The following ATF6B variants were observed in gnomAD, a reference collection of about 807,000 sequenced individuals.
The protein encoded by ATF6B is cyclic AMP-dependent transcription factor ATF-6 beta.
In ATF6B, 50 loss-of-function variants were observed where a neutral mutation model predicts 83.5. The ratio of observed to expected loss-of-function variants is 0.60; its 90% CI spans 0.48 to 0.76. ATF6B has a LOEUF of 0.76. Ranked by LOEUF, ATF6B falls within the 30% of genes least tolerant of loss-of-function variation. The pLI is 0.00. For synonymous variants in ATF6B, 344 were observed against 362.8 expected, an observed-to-expected ratio of 0.95 and a Z score of 0.59; for missense variants, 790 against 893.8, an observed-to-expected ratio of 0.88 and a Z score of 1.48.
rs1781700200 is a variant in ATF6B, at chr6:32,120,191, G to A, written c.833-234C>T. 1.8e-5 allele frequency: 6 copies of A among 331,186 alleles called. No homozygotes were observed. In the Admixed American group the frequency reaches 2.9e-4, roughly 16 times the overall value. 20.5% of individuals were successfully genotyped at this position (331,186 alleles called of 1,614,324 possible). ...CGGCTCACTGCAAGCTCCGCCTCCC[G>A]GGTTCACGCCATTCTCCTGCCTCAG... On this transcript the variant is annotated intron_variant, in intron 8 of 17. Coordinates refer to ENST00000375203, the MANE Select transcript of ATF6B (RefSeq NM_004381.5).
Position 32,127,655 on chromosome 6 carries a change from G to A in ATF6B, c.171+16C>T, listed in dbSNP as rs1399057103. 1.9e-6 allele frequency: 3 copies of A among 1,614,128 alleles called. No individual in the cohort carries two copies. Among genetic ancestry groups the A allele is most frequent in the African/African-American group, 2.7e-5 (2 of 75,036 alleles). On this transcript the variant is annotated intron_variant, in intron 2 of 17. Coordinates refer to ENST00000375203, the MANE Select transcript of ATF6B (RefSeq NM_004381.5). ...TCCACCCACCAAGGGTTAGAGAAAG[G>A]CTGGGGACACAATACCGGGACATCC... is the stretch of plus-strand genomic sequence containing the variant.
At chr6:32,127,548 G>A (rs2127349404) in intron 2 of ATF6B, 28 bp from the exon 3 acceptor site, 2 of 1,611,182 alleles carry the variant, frequency 1.2e-6, no homozygotes, top group Non-Finnish European at 1.7e-6. Flanking sequence ...CAAGAGGGCA[G>A]GAGTGTGAGA....
In ATF6B at chr6:32,115,684, A is replaced by T; in HGVS notation, c.*55T>A. ...GATCAGGGAAATTTGAAACAGTCCC[A>T]CCTGGCCACCTGGTACCCCCTCCCC... On this transcript the variant is annotated 3_prime_UTR_variant, in exon 18 of 18. Coordinates refer to ENST00000375203, the MANE Select transcript of ATF6B (RefSeq NM_004381.5). The T allele has an allele frequency of 6.8e-7, 1 of 1,463,532 alleles. No individual in the cohort carries two copies. The highest frequency in any genetic ancestry group is 9.3e-7 in the Non-Finnish European group (1 of 1,077,320). The allele number at this position is 1,463,532 out of a possible 1,614,324, so 90.7% of individuals were successfully genotyped here. A position where few individuals can be genotyped will look rare whatever the true frequency, so the allele number is the denominator to read the frequency against.
In ATF6B at chr6:32,116,624, G is replaced by A; in HGVS notation, c.1798-60C>T. 6.2e-7 allele frequency: 1 copy of A among 1,603,006 alleles called. No individual in the cohort carries two copies. The highest frequency in any genetic ancestry group is 1.1e-5 in the South Asian group (1 of 90,538). The stretch of plus-strand genomic sequence containing the variant: ...GGCAAAGATGCCAACAAGCTCCCCA[G>A]CCCTACTCTACATCCCCCCACTGAA... On this transcript the variant is annotated intron_variant, in intron 16 of 17. Transcript: ENST00000375203. This position sits in a 1 kb window ranked among gnomAD's most constrained non-coding sequence, Gnocchi z 5.1.
Position 32,121,328 on chromosome 6 carries a change from G to A in ATF6B, c.499C>T (p.Pro167Ser), listed in dbSNP as rs1781758913. The change falls in exon 6 of 18, where the codon CCT (proline) becomes TCT (serine). Residue 167 changes from proline to serine, a missense_variant. Pro to Ser is a moderately conservative substitution (Grantham distance 74, BLOSUM62 -1). Around this residue, in one of 3 missense-constraint regions of ATF6B, gnomAD observed 253 missense variants for 243.1 expected, o/e 1.04. Coordinates refer to ENST00000375203, the MANE Select transcript of ATF6B (RefSeq NM_004381.5). ...TTGACGGAAGAACATGGAGAGACAG[G>A]TTCTATCTTGGTCTGGACATCTGTG... ...DSSDVQTKIE[P>S]VSPCSSVNSE... 6.2e-7 allele frequency: 1 copy of A among 1,613,968 alleles called. No individual in the cohort carries two copies. The highest frequency in any genetic ancestry group is 1.1e-5 in the South Asian group (1 of 91,078).
In ATF6B at chr6:32,127,208, A is replaced by C; in HGVS notation, c.251-14T>G. The C allele has an allele frequency of 6.3e-7, 1 of 1,596,262 alleles. No homozygotes were observed. The highest frequency in any genetic ancestry group is 8.5e-7 in the Non-Finnish European group (1 of 1,170,274). On this transcript the variant is annotated splice_polypyrimidine_tract_variant and intron_variant, in intron 3 of 17. Coordinates refer to ENST00000375203, the MANE Select transcript of ATF6B (RefSeq NM_004381.5). ...TCACCTGAAGATCTGGAGGAAAGGGAGTTAGAAATTATCAGGAAGCAGAGC... is the reference window on the plus strand; with the variant it reads ...TCACCTGAAGATCTGGAGGAAAGGGCGTTAGAAATTATCAGGAAGCAGAGC...
rs749091105 is a variant in ATF6B at position 32,127,432 on chromosome 6, A to G, written c.250+10T>C. 7 of 1,603,860 alleles carry G rather than the reference A, an allele frequency of 4.4e-6. No homozygotes were observed. In the Admixed American group the frequency reaches 1.2e-4, roughly 28 times the overall value. Reference sequence around the variant, plus strand: ...CTGGAAATCTGAGGGAACGACAAAGACTACCTTACCTGGGAAGATCGGCAG... The same window carrying G: ...CTGGAAATCTGAGGGAACGACAAAGGCTACCTTACCTGGGAAGATCGGCAG... On this transcript the variant is annotated intron_variant, in intron 3 of 17. Coordinates refer to ENST00000375203, the MANE Select transcript of ATF6B (RefSeq NM_004381.5).
chr6:32,122,568 G>A (rs1358848105), intron 5 of ATF6B, among the ~76,000 whole-genome samples: 2 of 152,152 alleles, frequency 1.3e-5, no homozygotes, highest in East Asian at 1.9e-4. Flanking sequence ...AAAAATCTTG[G>A]CGGGGCACGG....
Position 32,127,146 on chromosome 6 carries a change from A to AGGGAGGAGGAAG in ATF6B, c.287_298dup (p.Ser99_Leu100insProSerSerSer). 1 of 1,611,640 alleles carries AGGGAGGAGGAAG rather than the reference A, an allele frequency of 6.2e-7. No homozygotes were observed. Among genetic ancestry groups the AGGGAGGAGGAAG allele is most frequent in the East Asian group, 2.2e-5 (1 of 44,852 alleles). On this transcript the variant is annotated inframe_insertion, in exon 4 of 18. Coordinates refer to ENST00000375203, the MANE Select transcript of ATF6B (RefSeq NM_004381.5). ...GGAGAGACGCGATGACTCGGAGCTG[A>AGGGAGGAGGAAG]GGGAGGAGGAAGAGCAGGGGGAAGA... is the stretch of plus-strand genomic sequence containing the variant.
rs1299414042 is a variant in ATF6B, at chr6:32,115,917, A to G, written c.1934T>C (p.Ile645Thr). 2.5e-6 allele frequency: 4 copies of G among 1,614,066 alleles called. No individual in the cohort carries two copies. Among genetic ancestry groups the G allele is most frequent in the Middle Eastern group, 1.7e-4 (1 of 6,060 alleles). The change falls in exon 18 of 18, where the codon ATC becomes ACC. Residue 645 changes from isoleucine to threonine, a missense_variant. Ile to Thr is a moderately conservative substitution (Grantham distance 89). Coordinates refer to ENST00000375203, the MANE Select transcript of ATF6B (RefSeq NM_004381.5). ...APGDYEEMMQ[I>T]ECEVMDTRVI... ...CCTGGTGTCCATGACCTCACACTCG[A>G]TCTGCATCATCTCCTCATAGTCCCC...
rs747978021 is a variant in ATF6B, at chr6:32,127,674, G to A, written c.168C>T (p.Val56=). The A allele has an allele frequency of 5.6e-6, 9 of 1,614,200 alleles. No homozygotes were observed. In the Admixed American group the frequency reaches 1.5e-4, roughly 27 times the overall value. ...AGAAAGGCTGGGGACACAATACCGG[G>A]ACATCCTGCTCCGGGCAACGGAAGA... ...TQLFRCPEQD[V]PFDGSSLDVG... is the part of the protein sequence containing the mutation. Residue 56 remains valine, a synonymous_variant, in exon 2 of 18, where the codon GTC becomes GTT. Coordinates refer to ENST00000375203, the MANE Select transcript of ATF6B (RefSeq NM_004381.5).
In ATF6B at chr6:32,115,961, C is replaced by A; in HGVS notation, c.1890G>T (p.Leu630=). Residue 630 remains leucine, a synonymous_variant, in exon 18 of 18, where the codon CTG becomes CTT. Transcript: ENST00000375203. The part of the protein sequence containing the change: ...VMPAMAPNET[L]SGRGAPGDYE... ...AGTCCCCCGGGGCCCCACGGCCTGA[C>A]AGGGTCTCTGTGAGAAGGGGAGAGT... 2 of 1,613,004 alleles carry A rather than the reference C, an allele frequency of 1.2e-6. No individual in the cohort carries two copies. The highest frequency in any genetic ancestry group is 1.7e-6 in the Non-Finnish European group (2 of 1,179,342).
Position 32,117,572 on chromosome 6 carries a change from C to T in ATF6B, c.1532+15G>A. 1 of 1,612,776 alleles carries T rather than the reference C, an allele frequency of 6.2e-7. No individual in the cohort carries two copies. On this transcript the variant is annotated intron_variant, in intron 13 of 17. Coordinates refer to ENST00000375203, the MANE Select transcript of ATF6B (RefSeq NM_004381.5). This position sits in a 1 kb window ranked among gnomAD's most constrained non-coding sequence, Gnocchi z 5.0. ...AGGCCGGGGGAGCTGGATGCCCCAG[C>T]AATGAATCCCACACCTCAGGGACTC...
chr6:32,127,296 G>A (rs1782022483), intron 3 of ATF6B, 102 bp from the exon 4 acceptor site: 5 of 1,369,748 alleles, frequency 3.7e-6, no homozygotes, highest in South Asian at 2.7e-5. Flanking sequence ...CGCAGCAAGG[G>A]AGAAGAAACA....
chr6:32,119,404 TCTTTC>T lies in ATF6B; in HGVS notation c.967-268_967-264del, dbSNP rs1781663617. Among the ~76,000 whole-genome samples, 1 of 152,176 alleles carries T rather than the reference TCTTTC, an allele frequency of 6.6e-6. No individual in the cohort carries two copies. Among genetic ancestry groups the T allele is most frequent in the Admixed American group, 6.5e-5 (1 of 15,276 alleles). ...GAACTTTCTCCATGCTGGTGGAAACTCTTTCCTTCGTAACTCTTTCTTCCTGTCAG... is the reference window on the plus strand; with the variant it reads ...GAACTTTCTCCATGCTGGTGGAAACTCTTCGTAACTCTTTCTTCCTGTCAG... On this transcript the variant is annotated intron_variant, in intron 9 of 17. Coordinates refer to ENST00000375203, the MANE Select transcript of ATF6B (RefSeq NM_004381.5). This position sits in a 1 kb window ranked among gnomAD's most constrained non-coding sequence, Gnocchi z 4.9.
In ATF6B at chr6:32,117,610, G is replaced by C; in HGVS notation, c.1509C>G (p.His503Gln). 1.2e-6 allele frequency: 2 copies of C among 1,614,210 alleles called. No homozygotes were observed. The highest frequency in any genetic ancestry group is 1.7e-6 in the Non-Finnish European group (2 of 1,180,022). ...ACCTCAGGGACTCAGTGCGGTTGAA[G>C]TGCCGGCAATCAGAGGAGAGGAAGA... ...DQLFLSSDCR[H>Q]FNRTESLRLA... The change falls in exon 13 of 18, where the codon CAC becomes CAG. Residue 503 changes from histidine to glutamine, a missense_variant. Around this residue, in one of 3 missense-constraint regions of ATF6B, gnomAD observed 530 missense variants for 632.6 expected, o/e 0.84. Coordinates refer to ENST00000375203, the MANE Select transcript of ATF6B (RefSeq NM_004381.5). The surrounding 1 kb of genome is among the most constrained non-coding windows in gnomAD (Gnocchi z 5.0).
In ATF6B at chr6:32,125,560, GACCAGCCTGGCCA is replaced by G. The variant is rs1781936974; in HGVS notation, c.478+544_478+556del. Among the ~76,000 whole-genome samples the G allele has an allele frequency of 6.6e-6, 1 of 152,114 alleles. No homozygotes were observed. Among genetic ancestry groups the G allele is most frequent in the South Asian group, 2.1e-4 (1 of 4,832 alleles). On this transcript the variant is annotated intron_variant, in intron 5 of 17. Transcript: ENST00000375203. The surrounding 1 kb of genome is among the most constrained non-coding windows in gnomAD (Gnocchi z 4.1). ...GCGACTCATGAGGTCAGGAGTTCAA[GACCAGCCTGGCCA>G]ACATGGTGAAACCCCATCTCTACTA...
chr6:32,116,588 A>T lies in ATF6B; in HGVS notation c.1798-24T>A, dbSNP rs1314171875. 1 of 1,598,116 alleles carries T rather than the reference A, an allele frequency of 6.3e-7. No homozygotes were observed. The highest frequency in any genetic ancestry group is 1.7e-5 in the Admixed American group (1 of 59,278). ...TCCTGGGGAACAGATGGGCCAGGCC[A>T]GAAGGGTGGAGGCAAAGATGCCAAC... On this transcript the variant is annotated intron_variant, in intron 16 of 17. Coordinates refer to ENST00000375203, the MANE Select transcript of ATF6B (RefSeq NM_004381.5). The surrounding 1 kb of genome is among the most constrained non-coding windows in gnomAD (Gnocchi z 5.1).
rs1216585207 is a variant in ATF6B at position 32,115,942 on chromosome 6, C to T, written c.1909G>A (p.Gly637Arg). Residue 637 changes from glycine (G) to arginine (R), a missense_variant, in exon 18 of 18, where the codon GGG becomes AGG. Coordinates refer to ENST00000375203, the MANE Select transcript of ATF6B (RefSeq NM_004381.5). Reference sequence around the variant, plus strand: ...ATCTGCATCATCTCCTCATAGTCCCCCGGGGCCCCACGGCCTGACAGGGTC... The same window carrying T: ...ATCTGCATCATCTCCTCATAGTCCCTCGGGGCCCCACGGCCTGACAGGGTC... ...NETLSGRGAP[G>R]DYEEMMQIEC... is the part of the protein sequence containing the mutation. 2 of 1,613,926 alleles carry T rather than the reference C, an allele frequency of 1.2e-6. No individual in the cohort carries two copies. The highest frequency in any genetic ancestry group is 1.7e-6 in the Non-Finnish European group (2 of 1,179,876).
Sources: gnomAD v4.1 joint callset for allele counts (sites outside exome capture counted in the v4.1 genomes callset) on GRCh38, gnomAD v4.1.1 for gene constraint, gnomAD v4.1.1 regional missense constraint, Gnocchi (gnomAD v3.1) non-coding constraint, MANE v1.5 for transcripts, NCBI Gene and HGNC (gene_info 2026-07-23, HGNC 2026-07-21) for gene names.